The following TAFA2 variants were observed in gnomAD, a reference collection of about 807,000 sequenced individuals.
TAFA2 encodes the protein TAFA chemokine like family member 2.
In TAFA2, 7 loss-of-function variants were observed where a neutral mutation model predicts 18.8. That is an observed-to-expected ratio of 0.37 (90% CI 0.21 to 0.70). The LOEUF (loss-of-function observed/expected upper bound fraction) is 0.70. TAFA2 is among the 30% of genes least tolerant of loss of function. TAFA2 has a pLI of 0.53. For synonymous variants in TAFA2, 60 were observed against 54.2 expected, an observed-to-expected ratio of 1.11 and a Z score of -0.47; for missense variants, 122 against 158.1, an observed-to-expected ratio of 0.77 and a Z score of 1.23.
chr12:62,079,720 A>G (rs547419182), intron 1 of TAFA2, among the ~76,000 whole-genome samples: 12 of 152,114 alleles, frequency 7.9e-5, no homozygotes, highest in Non-Finnish European at 1.6e-4. Context: ...ATCAAAAATC[A>G]ACATTCCTGT....
chr12:61,849,885 C>T (rs947235940), intron 2 of TAFA2, among the ~76,000 whole-genome samples: 1 of 152,094 alleles, frequency 6.6e-6, no homozygotes, highest in African/African-American at 2.4e-5. Flanking sequence ...GATTGTTGAT[C>T]TAGTTATTAT....
At chr12:61,886,582 G>C (rs1039944092) in intron 1 of TAFA2, among the ~76,000 whole-genome samples, 3 of 152,158 alleles carry the variant, frequency 2.0e-5, no homozygotes, top group Non-Finnish European at 4.4e-5. Flanking sequence ...AGTTAGGCCT[G>C]ATTCCAGCAC....
At chr12:61,883,847 C>A (rs1875253108) in intron 1 of TAFA2, among the ~76,000 whole-genome samples, 1 of 152,098 alleles carries the variant, frequency 6.6e-6, no homozygotes. Context: ...ATATTCTGAC[C>A]TTCTCAAATC....
At chr12:62,233,645 A>T (rs1298597297) in intron 1 of TAFA2, among the ~76,000 whole-genome samples, 1 of 152,198 alleles carries the variant, frequency 6.6e-6, no homozygotes, top group East Asian at 1.9e-4. Context: ...TGGCCCAGTG[A>T]ACCCGAGATG....
chr12:62,124,901 GACTCCAGCCCATA>G (rs1351421444), intron 1 of TAFA2, among the ~76,000 whole-genome samples: 2 of 152,062 alleles, frequency 1.3e-5, no homozygotes, highest in African/African-American at 4.8e-5. Context: ...GGTCAATCAA[GACTCCAGCCCATA>G]ACTCACTACA....
At chr12:61,810,100 C>A (rs1333955516) in intron 2 of TAFA2, among the ~76,000 whole-genome samples, 1 of 151,384 alleles carries the variant, frequency 6.6e-6, no homozygotes, top group Non-Finnish European at 1.5e-5. Flanking sequence ...AAAATAAATA[C>A]AAGTTTCCTG....
chr12:62,059,295 C>T lies in TAFA2; in HGVS notation c.-2+131964G>A, dbSNP rs948060778. The stretch of plus-strand genomic sequence containing the variant: ...TTGCACCACTGCATTCCATCCTGGG[C>T]GACAGAAGGATACCCAGTCTCTAAA... On this transcript the variant is annotated intron_variant, in intron 1 of 4. Coordinates refer to ENST00000416284, the MANE Select transcript of TAFA2 (RefSeq NM_178539.5). Among the ~76,000 whole-genome samples the T allele has an allele frequency of 3.1e-4, 47 of 151,288 alleles. 1 individual carries two copies. Among genetic ancestry groups the T allele is most frequent in the African/African-American group, 1.0e-3 (43 of 41,174 alleles).
At chr12:62,045,150 C>A (rs756281421) in intron 1 of TAFA2, among the ~76,000 whole-genome samples, 2 of 152,096 alleles carry the variant, frequency 1.3e-5, no homozygotes, top group Non-Finnish European at 2.9e-5. Context: ...CTAGGTCGTA[C>A]AGAAAAATAA....
At chr12:61,776,017 G>A (rs545218848) in intron 2 of TAFA2, 8 of 354,826 alleles carry the variant, frequency 2.3e-5, no homozygotes, top group African/African-American at 8.6e-5. Context: ...ACACACATGC[G>A]AATCTATAAG....
intron 1 of TAFA2, among the ~76,000 whole-genome samples, chr12:62,021,033 C>T (rs1881112656): frequency 1.3e-5 from 2 of 152,142 alleles, no homozygotes; most frequent in South Asian, 4.1e-4. Context: ...TAAGTAGTTG[C>T]AATAGAGACA....
chr12:61,816,266 C>T (rs1281010749), intron 2 of TAFA2, among the ~76,000 whole-genome samples: 1 of 151,288 alleles, frequency 6.6e-6, no homozygotes, highest in Non-Finnish European at 1.5e-5. Flanking sequence ...TAAGTGGAAA[C>T]ATGCAATATT....
intron 3 of TAFA2, among the ~76,000 whole-genome samples, chr12:61,754,028 T>C (rs1210284321): frequency 6.6e-6 from 1 of 152,106 alleles, no homozygotes; most frequent in East Asian, 1.9e-4. Context: ...TAGTTAACTA[T>C]AGACACAATA....
chr12:62,101,769 G>T (rs1869217035), intron 1 of TAFA2, among the ~76,000 whole-genome samples: 1 of 152,082 alleles, frequency 6.6e-6, no homozygotes, highest in African/African-American at 2.4e-5. Flanking sequence ...CTAGCCAATG[G>T]TATAGCACTA....
At chr12:62,008,641 G>C (rs1010025537) in intron 1 of TAFA2, among the ~76,000 whole-genome samples, 1 of 152,084 alleles carries the variant, frequency 6.6e-6, no homozygotes, top group Non-Finnish European at 1.5e-5. Flanking sequence ...CACATTTTAG[G>C]TATGCTTGTA....
chr12:61,745,778 G>C (rs1287080770), intron 4 of TAFA2, among the ~76,000 whole-genome samples: 1 of 151,992 alleles, frequency 6.6e-6, no homozygotes, highest in Non-Finnish European at 1.5e-5. Context: ...GATGTTAAGA[G>C]AGGGAGATTA....
intron 1 of TAFA2, among the ~76,000 whole-genome samples, chr12:61,933,714 C>A (rs895356604): frequency 1.3e-5 from 2 of 152,098 alleles, no homozygotes; most frequent in African/African-American, 4.8e-5. Context: ...CAGAGACAGA[C>A]CCTGTCTCTT....
intron 1 of TAFA2, among the ~76,000 whole-genome samples, chr12:62,220,257 T>TA (rs1157469537): frequency 6.6e-6 from 1 of 151,640 alleles, no homozygotes; most frequent in Non-Finnish European, 1.5e-5. Context: ...ACCCACTTAC[T>TA]AAAAAGGAAA....
intron 2 of TAFA2, among the ~76,000 whole-genome samples, chr12:61,837,655 T>G (rs1872989625): frequency 6.6e-6 from 1 of 151,938 alleles, no homozygotes; most frequent in Non-Finnish European, 1.5e-5. Flanking sequence ...AGATACCCAC[T>G]CTTACTGAGA....
At chr12:61,782,044 C>T (rs182314852) in intron 2 of TAFA2, among the ~76,000 whole-genome samples, 27 of 151,552 alleles carry the variant, frequency 1.8e-4, no homozygotes, top group African/African-American at 4.6e-4. Context: ...CTAGGAGGAA[C>T]GGTGGAATAC....
Sources: allele counts gnomAD v4.1 joint callset (sites outside exome capture counted in the v4.1 genomes callset), GRCh38; gene constraint gnomAD v4.1.1; transcripts MANE v1.5; gene names NCBI Gene and HGNC (gene_info 2026-07-23, HGNC 2026-07-21).